The following OSTN variants were observed in gnomAD, a reference collection of about 807,000 sequenced individuals.
OSTN encodes the protein osteocrin.
A neutral mutation model predicts 12.0 loss-of-function variants in OSTN; 9 were observed. That is an observed-to-expected ratio of 0.75 (90% CI 0.45 to 1.30). The LOEUF (loss-of-function observed/expected upper bound fraction) is 1.30. Ranked by LOEUF, OSTN falls within the 50% of genes most tolerant of loss-of-function variation. OSTN has a pLI of 0.00. For synonymous variants in OSTN, 59 were observed against 56.9 expected (o/e 1.04, Z -0.16); for missense variants, 148 against 152.3 (o/e 0.97, Z 0.15).
intron 4 of OSTN, among the ~76,000 whole-genome samples, chr3:191,260,182 T>C (rs1715775509): frequency 6.6e-6 from 1 of 151,920 alleles, no homozygotes; most frequent in Non-Finnish European, 1.5e-5. Flanking sequence ...TCGCATCAAT[T>C]GTTTGGTGTA....
intron 1 of OSTN, among the ~76,000 whole-genome samples, chr3:191,206,721 G>A (rs1051454467): frequency 6.6e-6 from 1 of 152,220 alleles, no homozygotes; most frequent in Non-Finnish European, 1.5e-5. Context: ...AATAGCAACA[G>A]AGGCAATGAA....
At chr3:191,202,351 T>G (rs1714169049) in intron 1 of OSTN, among the ~76,000 whole-genome samples, 1 of 152,212 alleles carries the variant, frequency 6.6e-6, no homozygotes, top group South Asian at 2.1e-4. Context: ...AGGAAATCCC[T>G]AGACAGGACA....
chr3:191,211,161 T>C (rs1300865366), intron 1 of OSTN, among the ~76,000 whole-genome samples: 1 of 152,260 alleles, frequency 6.6e-6, no homozygotes, highest in African/African-American at 2.4e-5. Flanking sequence ...TATTGGTTTA[T>C]ATTTTATATG....
intron 3 of OSTN, among the ~76,000 whole-genome samples, chr3:191,241,693 A>G (rs1715326138): frequency 6.6e-6 from 1 of 152,236 alleles, no homozygotes; most frequent in South Asian, 2.1e-4. Flanking sequence ...CGAAACACCT[A>G]TTAAGAACAA....
intron 4 of OSTN, among the ~76,000 whole-genome samples, chr3:191,255,789 C>T (rs1055396488): frequency 4.6e-5 from 7 of 151,732 alleles, no homozygotes; most frequent in African/African-American, 1.5e-4. Context: ...AAAATGATTT[C>T]GGTTTTCTGT....
intron 4 of OSTN, among the ~76,000 whole-genome samples, chr3:191,261,890 T>C (rs1164186281): frequency 2.0e-5 from 3 of 152,204 alleles, no homozygotes; most frequent in African/African-American, 7.2e-5. Flanking sequence ...GTCTGTGCCA[T>C]TGAAATCAGA....
chr3:191,248,661 A>G (rs1715491409), intron 3 of OSTN, among the ~76,000 whole-genome samples: 1 of 152,198 alleles, frequency 6.6e-6, no homozygotes, highest in Non-Finnish European at 1.5e-5. Context: ...AAAAAATTGA[A>G]GCAGGCCAGG....
In OSTN at chr3:191,210,232, G is replaced by A. The variant is rs113005174; in HGVS notation, c.1-2301G>A. ...CTCTCAGGAGAGAACAGCACCAAAG[G>A]GAAAATCTGCCTCCATTATCCAGTG... On this transcript the variant is annotated intron_variant, in intron 1 of 4. Transcript: ENST00000682035. 9.2e-3 allele frequency among the ~76,000 whole-genome samples: 1,406 copies of A among 152,224 alleles called. 26 individuals carry two copies. The highest frequency in any genetic ancestry group is 0.031 in the African/African-American group (1,305 of 41,548).
chr3:191,224,332 C>T (rs562151369), intron 3 of OSTN, among the ~76,000 whole-genome samples: 1 of 149,160 alleles, frequency 6.7e-6, no homozygotes, highest in African/African-American at 2.5e-5. Context: ...GCCAAGATCT[C>T]ACCATTGCAC....
chr3:191,224,271 G>A (rs940467580), intron 3 of OSTN, among the ~76,000 whole-genome samples: 1 of 151,914 alleles, frequency 6.6e-6, no homozygotes, highest in African/African-American at 2.4e-5. Flanking sequence ...CAGCTACTTG[G>A]GAGGCTGAGG....
At chr3:191,202,629 G>A (rs1714175371) in intron 1 of OSTN, among the ~76,000 whole-genome samples, 1 of 152,158 alleles carries the variant, frequency 6.6e-6, no homozygotes, top group African/African-American at 2.4e-5. Flanking sequence ...AGTAAACAGT[G>A]AAGGGGGTCG....
intron 3 of OSTN, among the ~76,000 whole-genome samples, chr3:191,219,334 G>A (rs2108533386): frequency 6.6e-6 from 1 of 152,282 alleles, no homozygotes; most frequent in African/African-American, 2.4e-5. Flanking sequence ...ATACCCTTTG[G>A]TTTTTACCTG....
intron 4 of OSTN, among the ~76,000 whole-genome samples, chr3:191,261,563 G>C (rs1715811420): frequency 6.6e-6 from 1 of 152,176 alleles, no homozygotes; most frequent in South Asian, 2.1e-4. Flanking sequence ...CAAGAGGAGG[G>C]CTGGCTGCAT....
chr3:191,259,149 CAA>C (rs1293690105), intron 4 of OSTN, among the ~76,000 whole-genome samples: 2 of 151,388 alleles, frequency 1.3e-5, no homozygotes, highest in African/African-American at 4.9e-5. Context: ...CCAAAAATGG[CAA>C]AGAGGAAGGA....
chr3:191,230,920 G>A (rs1715038626), intron 3 of OSTN, among the ~76,000 whole-genome samples: 1 of 152,144 alleles, frequency 6.6e-6, no homozygotes. Context: ...ACTATTTCGA[G>A]AAGTTTGGCA....
intron 4 of OSTN, among the ~76,000 whole-genome samples, chr3:191,260,984 A>G (rs9917762): frequency 0.47 from 70,736 of 152,068 alleles, 17,599 homozygotes; most frequent in Non-Finnish European, 0.55. Flanking sequence ...TGTGCAGAGG[A>G]AAGAGTGATT....
intron 3 of OSTN, among the ~76,000 whole-genome samples, chr3:191,223,697 A>T (rs1481225757): frequency 6.6e-6 from 1 of 152,166 alleles, no homozygotes; most frequent in Non-Finnish European, 1.5e-5. Context: ...ATTATTATAT[A>T]AAAATATTAA....
chr3:191,256,073 CA>C (rs1422096216), intron 4 of OSTN, among the ~76,000 whole-genome samples: 2 of 151,788 alleles, frequency 1.3e-5, no homozygotes, highest in Non-Finnish European at 2.9e-5. Context: ...CTGTGTATGA[CA>C]AAAGTCTTAG....
chr3:191,252,252 A>C (rs1346809110), intron 4 of OSTN, among the ~76,000 whole-genome samples: 1 of 152,238 alleles, frequency 6.6e-6, no homozygotes, highest in South Asian at 2.1e-4. Flanking sequence ...TTTTTAGTAG[A>C]TATGGGGTTT....
Sources: allele counts gnomAD v4.1 joint callset (sites outside exome capture counted in the v4.1 genomes callset), GRCh38; gene constraint gnomAD v4.1.1; transcripts MANE v1.5; gene names NCBI Gene and HGNC (gene_info 2026-07-23, HGNC 2026-07-21).